Variants in OLFM3 observed in about 807,000 individuals in gnomAD.
The protein encoded by OLFM3 is noelin-3.
OLFM3 carries 20 observed loss-of-function variants against 48.6 expected under a neutral mutation model. The observed-to-expected ratio is 0.41, with a 90% CI of 0.29 to 0.60. The LOEUF (loss-of-function observed/expected upper bound fraction) is 0.60. Ranked by LOEUF, OLFM3 falls within the 20% of genes least tolerant of loss-of-function variation. The probability of loss-of-function intolerance (pLI) is 0.28; values close to 1 mark genes in which losing one functional copy is unlikely to be tolerated. For synonymous variants in OLFM3, 222 were observed against 198.1 expected (o/e 1.12, Z -1.01); for missense variants, 437 against 544.3 (o/e 0.80, Z 1.96).
intron 1 of OLFM3, among the ~76,000 whole-genome samples, chr1:101,955,270 C>T (rs980800348): frequency 3.9e-5 from 6 of 152,070 alleles, no homozygotes; most frequent in African/African-American, 1.4e-4. Flanking sequence ...GGGAGACAGA[C>T]ATTAATCACA....
chr1:101,804,864 A>C lies in OLFM3; in HGVS notation c.751T>G (p.Ser251Ala). ...TNNKIVREYK[S>A]IADFVSGAES... ...GCCCCACTGACAAAGTCTGCAATTG[A>C]TTTGTATTCACGAACAATTTTATTG... The change falls in exon 6 of 6, where the codon TCA (serine) becomes GCA (alanine). Residue 251 changes from serine (S) to alanine (A), a missense_variant. By Grantham distance (99) the Ser-to-Ala change is moderately conservative. This residue lies in a region of OLFM3 where 314 missense variants were observed against 365.5 expected (regional missense o/e 0.86). Transcript: ENST00000370103. The surrounding 1 kb of genome is among the most constrained non-coding windows in gnomAD (Gnocchi z 4.5). 1 of 1,612,210 alleles carries C rather than the reference A, an allele frequency of 6.2e-7. No homozygotes were observed. The highest frequency in any genetic ancestry group is 8.5e-7 in the Non-Finnish European group (1 of 1,178,868).
chr1:101,988,957 A>G (rs12028316), intron 1 of OLFM3, among the ~76,000 whole-genome samples: 31,057 of 152,144 alleles, frequency 0.2, 4,054 homozygotes, highest in Middle Eastern at 0.32. Flanking sequence ...GTTCATGAAC[A>G]ACTATTCTGC....
chr1:101,808,178 A>C (rs1056727255), intron 4 of OLFM3, among the ~76,000 whole-genome samples: 2 of 151,776 alleles, frequency 1.3e-5, no homozygotes, highest in Admixed American at 1.3e-4. Context: ...ATTCTGACTT[A>C]AGATGATGGA....
chr1:101,863,048 C>T (rs1466858608), intron 1 of OLFM3, among the ~76,000 whole-genome samples: 1 of 151,462 alleles, frequency 6.6e-6, no homozygotes, highest in African/African-American at 2.4e-5. Context: ...GTAACCTCCG[C>T]CTCCCATGTT....
chr1:101,984,440 C>T (rs1661180679), intron 1 of OLFM3, among the ~76,000 whole-genome samples: 1 of 152,120 alleles, frequency 6.6e-6, no homozygotes, highest in African/African-American at 2.4e-5. Context: ...CTCTGTCGCC[C>T]AGACTAGAGT....
At chr1:101,834,648 C>T (rs1570539732) in intron 2 of OLFM3, among the ~76,000 whole-genome samples, 1 of 152,304 alleles carries the variant, frequency 6.6e-6, no homozygotes, top group African/African-American at 2.4e-5. Flanking sequence ...TTTACGATTC[C>T]TCTGTTGCTC....
At chr1:101,925,347 T>A (rs2101042574) in intron 1 of OLFM3, among the ~76,000 whole-genome samples, 1 of 151,894 alleles carries the variant, frequency 6.6e-6, no homozygotes, top group Non-Finnish European at 1.5e-5. Flanking sequence ...GAAATATCAC[T>A]GTCTTTAAGA....
At chr1:101,992,279 A>G (rs1661433441) in intron 1 of OLFM3, among the ~76,000 whole-genome samples, 1 of 152,230 alleles carries the variant, frequency 6.6e-6, no homozygotes, top group Admixed American at 6.5e-5. Context: ...AGGTGATACC[A>G]TTTAACTGTT....
chr1:101,971,006 T>A (rs372565042), intron 1 of OLFM3, among the ~76,000 whole-genome samples: 17 of 152,338 alleles, frequency 1.1e-4, no homozygotes, highest in African/African-American at 3.4e-4. Flanking sequence ...AGCCTCTATA[T>A]GCCATATAAA....
At chr1:101,897,885 CACAA>C (rs1457084084) in intron 1 of OLFM3, among the ~76,000 whole-genome samples, 1 of 152,010 alleles carries the variant, frequency 6.6e-6, no homozygotes, top group Non-Finnish European at 1.5e-5. Flanking sequence ...TTTGTAAGAT[CACAA>C]ACAAAAACAC....
chr1:101,936,626 C>G (rs1053093166), intron 1 of OLFM3, among the ~76,000 whole-genome samples: 3 of 151,890 alleles, frequency 2.0e-5, no homozygotes, highest in African/African-American at 7.3e-5. Flanking sequence ...TATATGAAAC[C>G]CAAAAAAGAC....
intron 1 of OLFM3, among the ~76,000 whole-genome samples, chr1:101,956,995 A>G (rs1258638911): frequency 6.6e-6 from 1 of 151,432 alleles, no homozygotes; most frequent in East Asian, 1.9e-4. Flanking sequence ...AGAAACAATA[A>G]AAAAAAAGTG....
At chr1:101,946,562 G>T (rs993636004) in intron 1 of OLFM3, among the ~76,000 whole-genome samples, 1 of 152,160 alleles carries the variant, frequency 6.6e-6, no homozygotes, top group Non-Finnish European at 1.5e-5. Flanking sequence ...TCAAAAAGAC[G>T]ATAAGTGGCA....
intron 1 of OLFM3, among the ~76,000 whole-genome samples, chr1:101,919,177 C>A (rs1158033230): frequency 1.3e-5 from 2 of 151,934 alleles, no homozygotes; most frequent in Non-Finnish European, 2.9e-5. Context: ...CAATGAAATA[C>A]TAGTTTTGAA....
intron 1 of OLFM3, among the ~76,000 whole-genome samples, chr1:101,887,120 T>C (rs1657794416): frequency 1.3e-5 from 2 of 151,986 alleles, no homozygotes; most frequent in South Asian, 4.1e-4. Context: ...GCATAAAATA[T>C]AGATACAGGT....
chr1:101,936,454 G>A (rs1659621824), intron 1 of OLFM3, among the ~76,000 whole-genome samples: 1 of 152,026 alleles, frequency 6.6e-6, no homozygotes, highest in Non-Finnish European at 1.5e-5. Context: ...CCTGCTCAAA[G>A]AAATCAGAGA....
intron 1 of OLFM3, among the ~76,000 whole-genome samples, chr1:101,915,704 CCACA>C (rs1202400399): frequency 2.2e-4 from 33 of 152,262 alleles, no homozygotes; most frequent in African/African-American, 7.5e-4. Context: ...TCGCTGGAAA[CCACA>C]CACAGCTGAG....
At position 101,850,906 on chromosome 1, in the gene OLFM3, T is replaced by C. The variant is rs116703055; in HGVS notation, c.70-13881A>G. On this transcript the variant is annotated intron_variant, in intron 1 of 5. Coordinates refer to ENST00000370103, the MANE Select transcript of OLFM3 (RefSeq NM_058170.4). ...TACAAATACAGGGCTGAAGAAATTA[T>C]TGAAGAAGGAGGAGGAGAAGAAAAA... Among the ~76,000 whole-genome samples the C allele has an allele frequency of 2.8e-3, 421 of 150,388 alleles. 5 individuals carry two copies. Among genetic ancestry groups the C allele is most frequent in the African/African-American group, 9.6e-3 (395 of 41,276 alleles).
intron 1 of OLFM3, among the ~76,000 whole-genome samples, chr1:101,847,813 A>G (rs923994493): frequency 2.6e-5 from 4 of 152,158 alleles, no homozygotes; most frequent in African/African-American, 9.7e-5. Context: ...ACTGATATGG[A>G]AAGTCTGTAT....
Sources: allele counts gnomAD v4.1 joint callset (sites outside exome capture counted in the v4.1 genomes callset), GRCh38; gene constraint gnomAD v4.1.1; regional missense constraint gnomAD v4.1.1; non-coding constraint Gnocchi (gnomAD v3.1); transcripts MANE v1.5; gene names NCBI Gene and HGNC (gene_info 2026-07-23, HGNC 2026-07-21).